Variants in NAA11 observed in about 807,000 individuals in gnomAD.
The protein encoded by NAA11 is N-alpha-acetyltransferase 11.
A neutral mutation model predicts 16.1 loss-of-function variants in NAA11; 15 were observed. That is an observed-to-expected ratio of 0.93 (90% confidence interval 0.62 to 1.44). The LOEUF (loss-of-function observed/expected upper bound fraction) is 1.44. NAA11 is among the 40% of genes most tolerant of loss of function. NAA11 has a pLI of 0.00. For synonymous variants in NAA11, 122 were observed against 112.4 expected, an observed-to-expected ratio of 1.09 and a Z score of -0.54; for missense variants, 298 against 291.3, an observed-to-expected ratio of 1.02 and a Z score of -0.17.
the NAA11 span, among the ~76,000 whole-genome samples, chr4:79,194,286 A>C: frequency 7.2e-5 from 11 of 152,148 alleles, no homozygotes; most frequent in African/African-American, 2.7e-4. Context: ...GATATTGATT[A>C]TTCCTTTGCA....
the NAA11 span, among the ~76,000 whole-genome samples, chr4:79,203,442 T>C: frequency 6.6e-6 from 1 of 151,812 alleles, no homozygotes; most frequent in African/African-American, 2.4e-5. Context: ...CCACACTACA[T>C]GTTTTATGTA....
chr4:79,207,756 T>C, the NAA11 span, among the ~76,000 whole-genome samples: 1 of 152,170 alleles, frequency 6.6e-6, no homozygotes, highest in African/African-American at 2.4e-5. Flanking sequence ...TGAGTGCTTT[T>C]ATCATTCATT....
At chr4:79,204,878 C>CA in the NAA11 span, among the ~76,000 whole-genome samples, 1 of 149,764 alleles carries the variant, frequency 6.7e-6, no homozygotes, top group Non-Finnish European at 1.5e-5. Context: ...TGGCTTGCTG[C>CA]AAAAAACATT....
chr4:79,264,474 A>G (rs942250725), intron 2 of NAA11, among the ~76,000 whole-genome samples: 3 of 152,204 alleles, frequency 2.0e-5, no homozygotes, highest in African/African-American at 7.2e-5. Flanking sequence ...AGCAAAACTA[A>G]CAAAAAGAGT....
At chr4:79,249,883 G>C (rs1721954157) in intron 2 of NAA11, among the ~76,000 whole-genome samples, 1 of 152,248 alleles carries the variant, frequency 6.6e-6, no homozygotes, top group Non-Finnish European at 1.5e-5. Flanking sequence ...ACAGTCTGCA[G>C]CTCTCACAGA....
chr4:79,310,561 C>T lies in NAA11; in HGVS notation c.*12+14615G>A, dbSNP rs550420151. Among the ~76,000 whole-genome samples, 5 of 152,296 alleles carry T rather than the reference C, an allele frequency of 3.3e-5. No homozygotes were observed. In the South Asian group the frequency reaches 1.0e-3, roughly 32 times the overall value. On this transcript the variant is annotated intron_variant and NMD_transcript_variant, in intron 1 of 2. Coordinates refer to the NAA11 transcript ENST00000511542. ...TGCTCGTTTACTTAGCACCTTAATT[C>T]CCGCACTTGCTTATAGACAGAAAAT...
At chr4:79,272,473 G>C (rs1578173152) in intron 2 of NAA11, among the ~76,000 whole-genome samples, 1 of 151,964 alleles carries the variant, frequency 6.6e-6, no homozygotes, top group South Asian at 2.1e-4. Flanking sequence ...TTGTTTTATG[G>C]GCAAAACTAT....
At chr4:79,224,171 A>G (rs942114208), downstream of NAA11, among the ~76,000 whole-genome samples, 3 of 152,138 alleles carry the variant, frequency 2.0e-5, no homozygotes, top group African/African-American at 7.2e-5. Flanking sequence ...TGAGAGGTAA[A>G]GCATGTTCAG....
intron 2 of NAA11, among the ~76,000 whole-genome samples, chr4:79,234,291 TCAGTCTTGTAAG>T (rs1391445154): frequency 3.9e-5 from 6 of 152,144 alleles, no homozygotes; most frequent in Non-Finnish European, 8.8e-5. Flanking sequence ...GAGTAAAGTT[TCAGTCTTGTAAG>T]CAGCCATCAA....
At chr4:79,174,424 T>C in the NAA11 span, among the ~76,000 whole-genome samples, 8 of 152,134 alleles carry the variant, frequency 5.3e-5, no homozygotes, top group African/African-American at 1.9e-4. Flanking sequence ...TGAAAGCCCG[T>C]GTACAGGATT....
intron 2 of NAA11, among the ~76,000 whole-genome samples, chr4:79,230,066 AT>A (rs1721421185): frequency 1.3e-5 from 2 of 151,926 alleles, no homozygotes; most frequent in South Asian, 2.1e-4. Context: ...TGAACTCATC[AT>A]TTTTTATGGC....
intron 2 of NAA11, among the ~76,000 whole-genome samples, chr4:79,268,291 G>A (rs1722396065): frequency 6.6e-6 from 1 of 151,380 alleles, no homozygotes; most frequent in Admixed American, 6.6e-5. Context: ...TATTTACAAA[G>A]TTTACAATTG....
chr4:79,313,153 A>C (rs185583315), downstream of NAA11, among the ~76,000 whole-genome samples: 87 of 152,352 alleles, frequency 5.7e-4, 2 homozygotes, highest in East Asian at 0.016. Context: ...GAGGAAACAA[A>C]AAAAAAATGA....
chr4:79,313,361 T>G (rs1723835057), downstream of NAA11, among the ~76,000 whole-genome samples: 2 of 152,192 alleles, frequency 1.3e-5, no homozygotes. Context: ...GATATCCACG[T>G]GGTCATAAGC....
intron 2 of NAA11, among the ~76,000 whole-genome samples, chr4:79,268,301 G>T (rs548955505): frequency 1.3e-5 from 2 of 152,214 alleles, no homozygotes; most frequent in East Asian, 3.9e-4. Flanking sequence ...GTTTACAATT[G>T]TAAAGTTCAT....
chr4:79,282,084 A>C (rs1722805530), intron 2 of NAA11, among the ~76,000 whole-genome samples: 1 of 152,162 alleles, frequency 6.6e-6, no homozygotes, highest in Non-Finnish European at 1.5e-5. Context: ...AACCTTCTAA[A>C]GATCTAGGGA....
chr4:79,232,633 T>C (rs1339133207), intron 2 of NAA11, among the ~76,000 whole-genome samples: 1 of 152,000 alleles, frequency 6.6e-6, no homozygotes, highest in Non-Finnish European at 1.5e-5. Flanking sequence ...AAATGAATCA[T>C]GTAAACTCCC....
At chr4:79,309,044 A>G (rs1298762418) in intron 1 of NAA11, among the ~76,000 whole-genome samples, 1 of 152,236 alleles carries the variant, frequency 6.6e-6, no homozygotes, top group Non-Finnish European at 1.5e-5. Flanking sequence ...ATAAGCATAC[A>G]CATAAAATAA....
At chr4:79,206,399 A>G in the NAA11 span, among the ~76,000 whole-genome samples, 1 of 152,112 alleles carries the variant, frequency 6.6e-6, no homozygotes, top group Non-Finnish European at 1.5e-5. Context: ...ATTAAGAATA[A>G]ATAGTAACTT....
Sources: gnomAD v4.1 joint callset for allele counts (sites outside exome capture counted in the v4.1 genomes callset) on GRCh38, gnomAD v4.1.1 for gene constraint, MANE v1.5 for transcripts, NCBI Gene and HGNC (gene_info 2026-07-23, HGNC 2026-07-21) for gene names.